ADM: variants seen among roughly 807,000 people sequenced by gnomAD.
ADM encodes the protein pro-adrenomedullin.
ADM carries 4 observed loss-of-function variants against 9.0 expected under a neutral mutation model. The observed-to-expected ratio is 0.44, with a 90% CI of 0.22 to 1.02. The LOEUF (loss-of-function observed/expected upper bound fraction) is 1.02. ADM is among the 50% of genes least tolerant of loss of function. The pLI, the probability that ADM is intolerant of heterozygous loss-of-function variation, is 0.24. For synonymous variants in ADM, 107 were observed against 107.2 expected (o/e 1.00, Z 0.01); for missense variants, 253 against 254.1 (o/e 1.00, Z 0.03).
chr11:10,305,709 G>A lies in ADM; in HGVS notation c.9G>A (p.Leu3=), dbSNP rs144409664. The change falls in exon 2 of 4, where the codon CTG becomes CTA. Residue 3 remains leucine (L), a synonymous_variant. Coordinates refer to ENST00000278175, the MANE Select transcript of ADM (RefSeq NM_001124.3). The part of the protein sequence containing the change: MK[L]VSVALMYLGS... ...TGCGCTTCGCAGCCGGGATGAAGCT[G>A]GTTTCCGTCGCCCTGATGTACCTGG... 3.9e-5 allele frequency: 63 copies of A among 1,613,862 alleles called. No individual in the cohort carries two copies. The Middle Eastern group carries it at 6.6e-4, about 17-fold the overall frequency.
intron 3 of ADM, 86 bp downstream of exon 3, chr11:10,306,184 G>A (rs1964654043): frequency 3.8e-6 from 6 of 1,558,830 alleles, no homozygotes; most frequent in South Asian, 1.2e-5. Flanking sequence ...TGGCCCGGGG[G>A]ATCGTCGGGG....
At position 10,305,672 on chromosome 11, in the gene ADM, T is replaced by C; in HGVS notation, c.-21-8T>C. On this transcript the variant is annotated splice_region_variant and splice_polypyrimidine_tract_variant and intron_variant, in intron 1 of 3. Transcript: ENST00000278175. The stretch of plus-strand genomic sequence containing the variant: ...TGCTCACGCTCGACTCTCTTTCTTC[T>C]TTTCCAGGGTCTGCGCTTCGCAGCC... The C allele has an allele frequency of 6.2e-7, 1 of 1,609,174 alleles. No homozygotes were observed. Among genetic ancestry groups the C allele is most frequent in the Non-Finnish European group, 8.5e-7 (1 of 1,177,464 alleles).
At position 10,305,711 on chromosome 11, in the gene ADM, T is replaced by C. The variant is rs766389485; in HGVS notation, c.11T>C (p.Val4Ala). Residue 4 changes from valine (V) to alanine (A), a missense_variant, in exon 2 of 4, where the codon GTT becomes GCT. Physicochemically the swap from Val to Ala is moderately conservative, Grantham distance 64. Coordinates refer to ENST00000278175, the MANE Select transcript of ADM (RefSeq NM_001124.3). ...CGCTTCGCAGCCGGGATGAAGCTGG[T>C]TTCCGTCGCCCTGATGTACCTGGGT... is the stretch of plus-strand genomic sequence containing the variant. Reference protein sequence around the residue: MKLVSVALMYLGSL... With the variant: MKLASVALMYLGSL... 2 of 1,613,878 alleles carry C rather than the reference T, an allele frequency of 1.2e-6. No individual in the cohort carries two copies. Among genetic ancestry groups the C allele is most frequent in the Non-Finnish European group, 1.7e-6 (2 of 1,180,000 alleles).
In ADM at chr11:10,305,747, T is replaced by G; in HGVS notation, c.47T>G (p.Phe16Cys). The stretch of plus-strand genomic sequence containing the variant: ...CTGATGTACCTGGGTTCGCTCGCCT[T>G]CCTAGGCGCTGACACCGCTCGGTTG... ...VALMYLGSLA[F>C]LGADTARLDV... The change falls in exon 2 of 4, where the codon TTC (phenylalanine) becomes TGC (cysteine). Residue 16 changes from phenylalanine (F) to cysteine (C), a missense_variant. Phe to Cys is a radical substitution (Grantham distance 205, BLOSUM62 -2). Coordinates refer to ENST00000278175, the MANE Select transcript of ADM (RefSeq NM_001124.3). The G allele has an allele frequency of 6.2e-7, 1 of 1,614,162 alleles. No individual in the cohort carries two copies.
In ADM at chr11:10,306,850, A is replaced by C; in HGVS notation, c.*209A>C. On this transcript the variant is annotated 3_prime_UTR_variant, in exon 4 of 4. Transcript: ENST00000278175. ...GCTTCCTTAGCCTTGCTCAGGTGCA[A>C]GTGCCCCAGGGGGCGGGGTGCAGAA... The C allele has an allele frequency of 2.1e-6, 1 of 481,298 alleles. No homozygotes were observed. Among genetic ancestry groups the C allele is most frequent in the Non-Finnish European group, 3.6e-6 (1 of 277,618 alleles). 29.8% of individuals were successfully genotyped at this position (481,298 alleles called of 1,614,324 possible). A position where few individuals can be genotyped will look rare whatever the true frequency, so the allele number is the denominator to read the frequency against.
At position 10,305,962 on chromosome 11, in the gene ADM, G is replaced by C. The variant is rs1964650389; in HGVS notation, c.112G>C (p.Ala38Pro). The C allele has an allele frequency of 6.2e-7, 1 of 1,613,702 alleles. No homozygotes were observed. Among genetic ancestry groups the C allele is most frequent in the Non-Finnish European group, 8.5e-7 (1 of 1,180,038 alleles). ...TGTGTTTTCCAGGTGGAATAAGTGG[G>C]CTCTGAGTCGTGGGAAGAGGGAACT... The part of the protein sequence containing the change: ...SEFRKKWNKW[A>P]LSRGKRELRM... Residue 38 changes from alanine (A) to proline (P), a missense_variant, in exon 3 of 4, where the codon GCT becomes CCT. Coordinates refer to ENST00000278175, the MANE Select transcript of ADM (RefSeq NM_001124.3).
intron 3 of ADM, 55 bp from the exon 4 acceptor site, chr11:10,306,277 A>C (rs1461496099): frequency 1.3e-6 from 2 of 1,587,170 alleles, no homozygotes; most frequent in East Asian, 4.5e-5. Context: ...TTGGGGCCAA[A>C]GCTCTGCTTG....
chr11:10,306,648 G>A lies in ADM; in HGVS notation c.*7G>A. ...TGCTCCCCACTTTCTTTAGGATTTA[G>A]GCGCCCATGGTACAAGGAATAGTCG... is the stretch of plus-strand genomic sequence containing the variant. On this transcript the variant is annotated 3_prime_UTR_variant, in exon 4 of 4. Coordinates refer to ENST00000278175, the MANE Select transcript of ADM (RefSeq NM_001124.3). 1 of 1,521,710 alleles carries A rather than the reference G, an allele frequency of 6.6e-7. No homozygotes were observed. The highest frequency in any genetic ancestry group is 1.3e-5 in the South Asian group (1 of 76,050). The allele number at this position is 1,521,710 out of a possible 1,614,324, so 94.3% of individuals were successfully genotyped here.
intron 1 of ADM, 173 bp downstream of exon 1, chr11:10,305,402 C>T (rs1964642029): frequency 1.1e-5 from 5 of 440,000 alleles, no homozygotes; most frequent in Admixed American, 3.7e-5. Flanking sequence ...GGTCCAGAGA[C>T]CCAGTCCCCT....
At chr11:10,306,144 T>C in intron 3 of ADM, 46 bp downstream of exon 3, 1 of 1,602,028 alleles carries the variant, frequency 6.2e-7, no homozygotes, top group Non-Finnish European at 8.5e-7. Context: ...AAGGAAGGTG[T>C]GCGGGAGGAG....
In ADM at chr11:10,306,842, C is replaced by T. The variant is rs1437272148; in HGVS notation, c.*201C>T. 1 of 498,700 alleles carries T rather than the reference C, an allele frequency of 2.0e-6. No individual in the cohort carries two copies. Among genetic ancestry groups the T allele is most frequent in the Non-Finnish European group, 3.5e-6 (1 of 289,654 alleles). 30.9% of individuals were successfully genotyped at this position (498,700 alleles called of 1,614,324 possible). ...GGGGCTTCGCTTCCTTAGCCTTGCTCAGGTGCAAGTGCCCCAGGGGGCGGG... is the reference window on the plus strand; with the variant it reads ...GGGGCTTCGCTTCCTTAGCCTTGCTTAGGTGCAAGTGCCCCAGGGGGCGGG... On this transcript the variant is annotated 3_prime_UTR_variant, in exon 4 of 4. Transcript: ENST00000278175.
Position 10,305,925 on chromosome 11 carries a change from A to T in ADM, c.99-24A>T, listed in dbSNP as rs770639219. The stretch of plus-strand genomic sequence containing the variant: ...CTGGGCGTCACCTGAACGCACGCGA[A>T]TCGGGTCTGCTTGTGTTTTCCAGGT... On this transcript the variant is annotated intron_variant, in intron 2 of 3. Coordinates refer to ENST00000278175, the MANE Select transcript of ADM (RefSeq NM_001124.3). 11 of 1,613,134 alleles carry T rather than the reference A, an allele frequency of 6.8e-6. No homozygotes were observed. In the African/African-American group the frequency reaches 1.5e-4, roughly 22 times the overall value.
chr11:10,305,970 T>C lies in ADM; in HGVS notation c.120T>C (p.Ser40=). 1.2e-6 allele frequency: 2 copies of C among 1,613,684 alleles called. No individual in the cohort carries two copies. The highest frequency in any genetic ancestry group is 1.7e-6 in the Non-Finnish European group (2 of 1,179,968). ...FRKKWNKWAL[S]RGKRELRMSS... ...CCAGGTGGAATAAGTGGGCTCTGAG[T>C]CGTGGGAAGAGGGAACTGCGGATGT... The change falls in exon 3 of 4, where the codon AGT becomes AGC. Residue 40 remains serine, a synonymous_variant. Coordinates refer to ENST00000278175, the MANE Select transcript of ADM (RefSeq NM_001124.3).
intron 1 of ADM, 29 bp from the exon 2 acceptor site, chr11:10,305,651 C>G: frequency 6.3e-7 from 1 of 1,588,464 alleles, no homozygotes; most frequent in East Asian, 2.3e-5. Context: ...CCCGGGTGCT[C>G]ACGCTCGACT....
At position 10,306,541 on chromosome 11, in the gene ADM, C is replaced by A; in HGVS notation, c.458C>A (p.Ser153Tyr). ...GGCTACGGCCGCCGGCGCCGGCGCT[C>A]CCTGCCCGAGGCCGGCCCGGGTCGG... ...PQGYGRRRRR[S>Y]LPEAGPGRTL... Residue 153 changes from serine (S) to tyrosine (Y), a missense_variant, in exon 4 of 4, where the codon TCC becomes TAC. Coordinates refer to ENST00000278175, the MANE Select transcript of ADM (RefSeq NM_001124.3). 1 of 1,612,222 alleles carries A rather than the reference C, an allele frequency of 6.2e-7. No homozygotes were observed. Among genetic ancestry groups the A allele is most frequent in the Non-Finnish European group, 8.5e-7 (1 of 1,179,398 alleles).
chr11:10,305,625 C>T (rs1397081682), intron 1 of ADM, 55 bp from the exon 2 acceptor site: 7 of 1,511,166 alleles, frequency 4.6e-6, no homozygotes, highest in Admixed American at 1.7e-5. Context: ...GTGCCCCGCC[C>T]GGGCGGTGCA....
intron 3 of ADM, 21 bp from the exon 4 acceptor site, chr11:10,306,311 T>TGGGCGGG: frequency 3.2e-6 from 5 of 1,543,768 alleles, no homozygotes; most frequent in Non-Finnish European, 4.4e-6. Flanking sequence ...TTGCCTTTCT[T>TGGGCGGG]CCCCCTCCCC....
In ADM at chr11:10,305,573, C is replaced by G. The variant is rs1184969276; in HGVS notation, c.-21-107C>G. The G allele has an allele frequency of 5.7e-6, 5 of 882,330 alleles. No homozygotes were observed. In the South Asian group the frequency reaches 6.0e-5, roughly 11 times the overall value. The allele number at this position is 882,330 out of a possible 1,614,324, so 54.7% of individuals were successfully genotyped here. On this transcript the variant is annotated intron_variant, in intron 1 of 3. Transcript: ENST00000278175. Reference sequence around the variant, plus strand: ...AGATAAGCGTCTGAGCCAGGGAAAGCGCGGGCTAAACCCGCCTCGCCGGGG... The same window carrying G: ...AGATAAGCGTCTGAGCCAGGGAAAGGGCGGGCTAAACCCGCCTCGCCGGGG...
In ADM at chr11:10,307,322, C is replaced by A. The variant is rs1964673645; in HGVS notation, c.*681C>A. ...ACCTCCTGTGTGGAAGAAGGAAACA[C>A]CGAGTCTCTGTATAATCTATTTACA... On this transcript the variant is annotated 3_prime_UTR_variant, in exon 4 of 4. Coordinates refer to ENST00000278175, the MANE Select transcript of ADM (RefSeq NM_001124.3). The surrounding 1 kb of genome is among the most constrained non-coding windows in gnomAD (Gnocchi z 4.5). The A allele has an allele frequency of 6.6e-6, 1 of 152,648 alleles. No homozygotes were observed. Among genetic ancestry groups the A allele is most frequent in the Admixed American group, 6.5e-5 (1 of 15,288 alleles). 9.5% of individuals were successfully genotyped at this position (152,648 alleles called of 1,614,324 possible).
Sources: gnomAD v4.1 joint callset for allele counts on GRCh38, gnomAD v4.1.1 for gene constraint, Gnocchi (gnomAD v3.1) non-coding constraint, MANE v1.5 for transcripts, NCBI Gene and HGNC (gene_info 2026-07-23, HGNC 2026-07-21) for gene names.